LRRC75A: variants seen among roughly 807,000 people sequenced by gnomAD.
The protein encoded by LRRC75A is leucine-rich repeat-containing protein 75A.
LRRC75A carries 12 observed loss-of-function variants against 26.0 expected under a neutral mutation model. The observed-to-expected ratio is 0.46, with a 90% CI of 0.30 to 0.75. LRRC75A has a LOEUF of 0.75. LRRC75A is among the 30% of genes least tolerant of loss of function. The probability of loss-of-function intolerance (pLI) is 0.08; values close to 1 mark genes in which losing one functional copy is unlikely to be tolerated. For missense variants in LRRC75A, 410 were observed against 486.6 expected (o/e 0.84, Z 1.48); for synonymous variants, 223 against 219.3 (o/e 1.02, Z -0.15).
At chr17:16,473,813 G>A (rs1280811495) in intron 1 of LRRC75A, among the ~76,000 whole-genome samples, 2 of 152,184 alleles carry the variant, frequency 1.3e-5, no homozygotes, top group African/African-American at 2.4e-5. Flanking sequence ...GGCCCTCCTC[G>A]ACGGTGACGA....
chr17:16,490,931 C>T lies in LRRC75A; in HGVS notation c.246+814G>A, dbSNP rs139679852. Reference sequence around the variant, plus strand: ...ATGGCATGGGCCATGCTCCTCTCCCCACCAAAGAAACTGACAAAGGAAAAC... The same window carrying T: ...ATGGCATGGGCCATGCTCCTCTCCCTACCAAAGAAACTGACAAAGGAAAAC... On this transcript the variant is annotated intron_variant, in intron 1 of 3. Transcript: ENST00000470794. Among the ~76,000 whole-genome samples, 1,031 of 152,360 alleles carry T rather than the reference C, an allele frequency of 6.8e-3. 8 individuals are homozygous for T. The highest frequency in any genetic ancestry group is 0.012 in the Non-Finnish European group (789 of 68,034).
intron 1 of LRRC75A, among the ~76,000 whole-genome samples, chr17:16,489,627 C>T (rs564893293): frequency 6.6e-6 from 1 of 152,366 alleles, no homozygotes; most frequent in African/African-American, 2.4e-5. Flanking sequence ...TCCTAGAAAG[C>T]CACCTCTCTG....
chr17:16,462,024 T>C lies in LRRC75A; in HGVS notation c.375+234A>G, dbSNP rs973951433. Among the ~76,000 whole-genome samples the C allele has an allele frequency of 5.3e-5, 8 of 152,154 alleles. No individual in the cohort carries two copies. The highest frequency in any genetic ancestry group is 1.9e-4 in the African/African-American group (8 of 41,436). ...CAAGGGCAGCTGAATACAGGGATCA[T>C]GTGAAAAATTCTGGTTTTTAAATGT... On this transcript the variant is annotated intron_variant, in intron 2 of 3. Transcript: ENST00000470794. This position sits in a 1 kb window ranked among gnomAD's most constrained non-coding sequence, Gnocchi z 4.6.
chr17:16,491,883 G>C lies in LRRC75A; in HGVS notation c.108C>G (p.Arg36=). 5 of 1,360,852 alleles carry C rather than the reference G, an allele frequency of 3.7e-6. No individual in the cohort carries two copies. In the East Asian group the frequency reaches 1.7e-4, roughly 45 times the overall value. 84.3% of individuals were successfully genotyped at this position (1,360,852 alleles called of 1,614,324 possible). The change falls in exon 1 of 4, where the codon CGC becomes CGG. Residue 36 remains arginine, a synonymous_variant. Transcript: ENST00000470794. The surrounding 1 kb of genome is among the most constrained non-coding windows in gnomAD (Gnocchi z 5.9). ...CCGCGCGCCCCGCCTTGTCCCCGGC[G>C]CGCAGCAGCAGCGACGCCCAGAAGT... ...RPDFWASLLL[R]AGDKAGRAGA...
chr17:16,485,952 A>C (rs887773542), intron 1 of LRRC75A, among the ~76,000 whole-genome samples: 1 of 152,128 alleles, frequency 6.6e-6, no homozygotes, highest in East Asian at 1.9e-4. Context: ...CACAGGTTAC[A>C]GCGGGGTGGG....
At chr17:16,475,928 C>T (rs1302007113) in intron 1 of LRRC75A, among the ~76,000 whole-genome samples, 4 of 152,074 alleles carry the variant, frequency 2.6e-5, no homozygotes, top group African/African-American at 9.7e-5. Flanking sequence ...CATGGTGGCT[C>T]ATGCCTGTAA....
At chr17:16,474,971 G>A (rs2093816249) in intron 1 of LRRC75A, among the ~76,000 whole-genome samples, 2 of 150,720 alleles carry the variant, frequency 1.3e-5, no homozygotes, top group South Asian at 2.1e-4. Flanking sequence ...ACTCCAGCCT[G>A]GGCAACGGTG....
At chr17:16,454,927 CTTTTCTT>C (rs2093664555) in intron 2 of LRRC75A, among the ~76,000 whole-genome samples, 1 of 149,742 alleles carries the variant, frequency 6.7e-6, no homozygotes, top group Non-Finnish European at 1.5e-5. Context: ...CTTTTCTTTT[CTTTTCTT>C]TTTTTTTTTT....
intron 3 of LRRC75A, among the ~76,000 whole-genome samples, chr17:16,446,288 A>G (rs1238926360): frequency 2.0e-5 from 3 of 152,246 alleles, no homozygotes; most frequent in African/African-American, 7.2e-5. Context: ...ACAGTGGTGA[A>G]CAGGATGGAC....
At chr17:16,485,611 C>T (rs191723786) in intron 1 of LRRC75A, among the ~76,000 whole-genome samples, 16 of 146,904 alleles carry the variant, frequency 1.1e-4, no homozygotes, top group Admixed American at 3.4e-4. Flanking sequence ...CAAGAACAGC[C>T]AGGAGGAGCC....
chr17:16,486,377 C>A (rs372594834), intron 1 of LRRC75A, among the ~76,000 whole-genome samples: 2 of 152,178 alleles, frequency 1.3e-5, no homozygotes, highest in African/African-American at 4.8e-5. Context: ...ACAGCCCCTG[C>A]GGTCGTGCTT....
At chr17:16,463,964 CAA>C (rs2093747921) in intron 1 of LRRC75A, 1 of 152,144 alleles carries the variant, frequency 6.6e-6, no homozygotes, top group African/African-American at 2.4e-5. Context: ...TTGATACAAG[CAA>C]AAAAAGAGTC....
At chr17:16,487,715 G>A (rs1388403949) in intron 1 of LRRC75A, among the ~76,000 whole-genome samples, 2 of 152,228 alleles carry the variant, frequency 1.3e-5, no homozygotes, top group Non-Finnish European at 2.9e-5. Flanking sequence ...GATTACAGGT[G>A]TGAGCATTTC....
Position 16,491,699 on chromosome 17 carries a change from C to A in LRRC75A, c.246+46G>T, listed in dbSNP as rs1054549406. The A allele has an allele frequency of 8.1e-6, 10 of 1,242,206 alleles. No individual in the cohort carries two copies. In the African/African-American group the frequency reaches 1.6e-4, roughly 20 times the overall value. 76.9% of individuals were successfully genotyped at this position (1,242,206 alleles called of 1,614,324 possible). A position where few individuals can be genotyped will look rare whatever the true frequency, so the allele number is the denominator to read the frequency against. On this transcript the variant is annotated intron_variant, in intron 1 of 3. Coordinates refer to ENST00000470794, the MANE Select transcript of LRRC75A (RefSeq NM_001113567.3). The surrounding 1 kb of genome is among the most constrained non-coding windows in gnomAD (Gnocchi z 5.9). ...ATGGGGCGCCCCCCCCGGCCCAGCA[C>A]GCCCCCTGGCCCGGCGCGCCCCCCG...
chr17:16,474,687 GA>G (rs1331507563), intron 1 of LRRC75A, among the ~76,000 whole-genome samples: 1 of 152,020 alleles, frequency 6.6e-6, no homozygotes, highest in African/African-American at 2.4e-5. Flanking sequence ...CTGCCCAAGT[GA>G]AATGAAACAT....
intron 1 of LRRC75A, among the ~76,000 whole-genome samples, chr17:16,490,684 G>A (rs931893905): frequency 1.3e-5 from 2 of 152,170 alleles, no homozygotes; most frequent in African/African-American, 4.8e-5. Context: ...TCCCAAGAAG[G>A]TGCTCCTACA....
At chr17:16,444,235 T>G in intron 3 of LRRC75A, 104 bp from the exon 4 acceptor site, 1 of 981,736 alleles carries the variant, frequency 1.0e-6, no homozygotes, top group Admixed American at 2.9e-5. Context: ...TAGGGACTGC[T>G]TTTACGAAAC....
At chr17:16,459,703 C>T (rs1432482292) in intron 2 of LRRC75A, among the ~76,000 whole-genome samples, 1 of 152,192 alleles carries the variant, frequency 6.6e-6, no homozygotes, top group Non-Finnish European at 1.5e-5. Context: ...AGACCCATAA[C>T]GTGGGCTGAC....
At chr17:16,458,436 C>A (rs960339268) in intron 2 of LRRC75A, among the ~76,000 whole-genome samples, 1 of 151,908 alleles carries the variant, frequency 6.6e-6, no homozygotes, top group South Asian at 2.1e-4. Context: ...GGCTACAGGG[C>A]GAGTGTGCCG....
Sources: gnomAD v4.1 joint callset for allele counts (sites outside exome capture counted in the v4.1 genomes callset) on GRCh38, gnomAD v4.1.1 for gene constraint, Gnocchi (gnomAD v3.1) non-coding constraint, MANE v1.5 for transcripts, NCBI Gene and HGNC (gene_info 2026-07-23, HGNC 2026-07-21) for gene names.